SLCO1B1: variants seen among roughly 807,000 people sequenced by gnomAD.
The protein encoded by SLCO1B1 is solute carrier organic anion transporter family member 1B1.
A neutral mutation model predicts 70.1 loss-of-function variants in SLCO1B1; 81 were observed. The ratio of observed to expected loss-of-function variants is 1.16; its 90% CI spans 0.97 to 1.39. The LOEUF (loss-of-function observed/expected upper bound fraction) is 1.39, where lower values mean the gene tolerates loss of function less well. SLCO1B1 is among the 40% of genes most tolerant of loss of function. The pLI, the probability that SLCO1B1 is intolerant of heterozygous loss-of-function variation, is 0.00. For synonymous variants in SLCO1B1, 283 were observed against 271.5 expected, an observed-to-expected ratio of 1.04 and a Z score of -0.42; for missense variants, 895 against 799.6, an observed-to-expected ratio of 1.12 and a Z score of -1.44.
At chr12:21,181,510 A>G (rs1376412658) in intron 7 of SLCO1B1, among the ~76,000 whole-genome samples, 1 of 152,144 alleles carries the variant, frequency 6.6e-6, no homozygotes, top group African/African-American at 2.4e-5. Flanking sequence ...GAAAATAATT[A>G]TTTCTAGGTA....
At chr12:21,202,817 A>G (rs1463994543) in intron 10 of SLCO1B1, 131 bp downstream of exon 10, 2 of 712,888 alleles carry the variant, frequency 2.8e-6, no homozygotes, top group African/African-American at 3.6e-5. Flanking sequence ...TCAATTTTAA[A>G]ATTTTTAAAA....
intron 7 of SLCO1B1, 86 bp downstream of exon 7, chr12:21,179,106 CT>C: frequency 1.2e-6 from 1 of 812,814 alleles, no homozygotes; most frequent in East Asian, 2.4e-5. Context: ...TGAATTCACT[CT>C]TTCAATAGTC....
At chr12:21,132,091 G>GT (rs1376199594) in intron 1 of SLCO1B1, among the ~76,000 whole-genome samples, 1 of 152,020 alleles carries the variant, frequency 6.6e-6, no homozygotes, top group Non-Finnish European at 1.5e-5. Flanking sequence ...GCGGTGTTTG[G>GT]TTTTTTGTCC....
At chr12:21,210,177 G>C (rs1218452756) in intron 11 of SLCO1B1, among the ~76,000 whole-genome samples, 1 of 142,860 alleles carries the variant, frequency 7.0e-6, no homozygotes, top group Admixed American at 7.0e-5. Flanking sequence ...TTCTTCTAGG[G>C]TTTTTATGGT....
At chr12:21,225,786 C>T (rs1941476243) in intron 14 of SLCO1B1, among the ~76,000 whole-genome samples, 5 of 152,112 alleles carry the variant, frequency 3.3e-5, no homozygotes, top group Admixed American at 3.3e-4. Flanking sequence ...ATTTTTCTTT[C>T]ATTGCTGGTG....
intron 2 of SLCO1B1, among the ~76,000 whole-genome samples, chr12:21,157,748 C>T (rs1940560943): frequency 1.3e-5 from 2 of 151,852 alleles, no homozygotes; most frequent in South Asian, 4.2e-4. Context: ...ACTACAGGCG[C>T]CCACCACCAC....
chr12:21,234,336 A>G (rs1941574246), intron 14 of SLCO1B1, among the ~76,000 whole-genome samples: 1 of 152,166 alleles, frequency 6.6e-6, no homozygotes, highest in Admixed American at 6.5e-5. Flanking sequence ...TAGGTTTTAC[A>G]ATAGTGCTGT....
Position 21,174,727 on chromosome 12 carries a change from A to AC in SLCO1B1, c.359+18_359+19insC. On this transcript the variant is annotated intron_variant, in intron 4 of 14. Transcript: ENST00000256958. ...ATGGGATAGTAAGTGTTAAAAAAAA[A>AC]AAAAACCTCTGTGCCACTATCAGTA... The AC allele has an allele frequency of 6.2e-7, 1 of 1,608,416 alleles. No individual in the cohort carries two copies. The highest frequency in any genetic ancestry group is 2.2e-5 in the East Asian group (1 of 44,714).
intron 13 of SLCO1B1, among the ~76,000 whole-genome samples, chr12:21,223,607 T>G (rs922263758): frequency 6.6e-6 from 1 of 152,162 alleles, no homozygotes; most frequent in Admixed American, 6.5e-5. Flanking sequence ...CCTCAGTCCC[T>G]TGTCATTTTA....
chr12:21,200,473 A>G (rs1230718511), intron 8 of SLCO1B1, 35 bp from the exon 9 acceptor site: 8 of 1,403,962 alleles, frequency 5.7e-6, no homozygotes, highest in African/African-American at 1.5e-5. Context: ...TTTAAGTTGC[A>G]TTCAAATATT....
intron 11 of SLCO1B1, among the ~76,000 whole-genome samples, chr12:21,210,672 T>C (rs1198887309): frequency 1.3e-5 from 2 of 149,702 alleles, no homozygotes; most frequent in African/African-American, 4.9e-5. Context: ...TTTCACGATA[T>C]TGATTCTTCC....
chr12:21,178,750 T>G (rs752844491), intron 6 of SLCO1B1, 28 bp downstream of exon 6: 2 of 1,577,130 alleles, frequency 1.3e-6, no homozygotes, highest in Non-Finnish European at 1.7e-6. Flanking sequence ...TTAAATTGTA[T>G]GATCACTTTC....
intron 2 of SLCO1B1, among the ~76,000 whole-genome samples, chr12:21,170,261 G>A (rs573148521): frequency 2.8e-4 from 43 of 152,276 alleles, no homozygotes; most frequent in African/African-American, 1.0e-3. Flanking sequence ...AGGGTGGAGT[G>A]AGAAAGACTC....
At chr12:21,152,144 C>G (rs950821024) in intron 2 of SLCO1B1, among the ~76,000 whole-genome samples, 1 of 151,824 alleles carries the variant, frequency 6.6e-6, no homozygotes, top group Admixed American at 6.6e-5. Context: ...CTCAGATATC[C>G]TGTTTTCAGT....
intron 5 of SLCO1B1, among the ~76,000 whole-genome samples, chr12:21,177,538 G>A (rs368118447): frequency 2.6e-5 from 4 of 151,978 alleles, no homozygotes; most frequent in African/African-American, 7.2e-5. Flanking sequence ...ACATAGAGAC[G>A]AGGTAGAGGC....
In SLCO1B1 at chr12:21,239,030, A is replaced by G; in HGVS notation, c.1917A>G (p.Leu639=). 1 of 1,589,524 alleles carries G rather than the reference A, an allele frequency of 6.3e-7. No individual in the cohort carries two copies. The highest frequency in any genetic ancestry group is 8.6e-7 in the Non-Finnish European group (1 of 1,160,034). Residue 639 remains leucine (L), a synonymous_variant, in exon 15 of 15, where the codon TTA becomes TTG. Coordinates refer to ENST00000256958, the MANE Select transcript of SLCO1B1 (RefSeq NM_006446.5). ...SSMLRVSSLV[L]YIILIYAMKK... is the part of the protein sequence containing the mutation. ...TGTTAAGAGTCTCATCACTTGTTTT[A>G]TATATTATATTAATTTATGCCATGA...
chr12:21,226,241 C>T (rs7966129), intron 14 of SLCO1B1, among the ~76,000 whole-genome samples: 51,296 of 151,260 alleles, frequency 0.34, 8,984 homozygotes, highest in East Asian at 0.45. Flanking sequence ...TGACAAAACC[C>T]TGTCTCTACT....
chr12:21,133,982 C>G (rs566413488), intron 1 of SLCO1B1, among the ~76,000 whole-genome samples: 6 of 152,208 alleles, frequency 3.9e-5, no homozygotes, highest in African/African-American at 1.2e-4. Flanking sequence ...TCATAGATAG[C>G]TCTTATTATT....
chr12:21,199,957 G>A lies in SLCO1B1; in HGVS notation c.971-551G>A, dbSNP rs140130661. Among the ~76,000 whole-genome samples, 428 of 151,914 alleles carry A rather than the reference G, an allele frequency of 2.8e-3. 2 individuals carry two copies. Among genetic ancestry groups the A allele is most frequent in the African/African-American group, 9.6e-3 (399 of 41,434 alleles). On this transcript the variant is annotated intron_variant, in intron 8 of 14. Coordinates refer to ENST00000256958, the MANE Select transcript of SLCO1B1 (RefSeq NM_006446.5). ...GCTAAGATTACAGGTGTGTGCCATC[G>A]TGCTGGCCAATGTTTGTATTTTTAG...
Sources: allele counts gnomAD v4.1 joint callset (sites outside exome capture counted in the v4.1 genomes callset), GRCh38; gene constraint gnomAD v4.1.1; transcripts MANE v1.5; gene names NCBI Gene and HGNC (gene_info 2026-07-23, HGNC 2026-07-21).